POLG: variants seen among roughly 807,000 people sequenced by gnomAD.
The protein encoded by POLG is DNA polymerase subunit gamma-1.
Under a neutral mutation model 155.4 loss-of-function variants are expected in POLG, and 110 were observed. The observed-to-expected ratio is 0.71, with a 90% confidence interval of 0.61 to 0.83. The LOEUF (loss-of-function observed/expected upper bound fraction) is 0.83, where lower values mean the gene tolerates loss of function less well. POLG is among the 40% of genes least tolerant of loss of function. The pLI is 0.00. For synonymous variants in POLG, 701 were observed against 631.5 expected (o/e 1.11, Z -1.65); for missense variants, 1,685 against 1,627.5 (o/e 1.04, Z -0.61).
chr15:89,317,651 C>G (rs886562984), intron 21 of POLG, 115 bp from the exon 22 acceptor site: 1 of 991,900 alleles, frequency 1.0e-6, no homozygotes, highest in African/African-American at 1.6e-5. Context: ...ACCAACACCC[C>G]ATCTGTTCAC....
chr15:89,321,931 C>G, intron 15 of POLG, 31 bp downstream of exon 15: 1 of 1,612,858 alleles, frequency 6.2e-7, no homozygotes, highest in Non-Finnish European at 8.5e-7. Context: ...CCTCAGTTCT[C>G]CTATCCCTAC....
intron 2 of POLG, among the ~76,000 whole-genome samples, chr15:89,331,043 G>A (rs919722782): frequency 6.6e-6 from 1 of 152,184 alleles, no homozygotes; most frequent in African/African-American, 2.4e-5. Flanking sequence ...GCAAGCCACA[G>A]ATTATTCTAA....
At chr15:89,325,255 A>T (rs62022597) in intron 10 of POLG, among the ~76,000 whole-genome samples, 195 bp downstream of exon 10, 1,358 of 38,952 alleles carry the variant, frequency 0.035, 214 homozygotes, top group African/African-American at 0.055. Flanking sequence ...AGTGAGAGAG[A>T]GAGTGAGTGA....
intron 10 of POLG, among the ~76,000 whole-genome samples, 199 bp downstream of exon 10, chr15:89,325,231 TGAGAGAGTGAGTGAGTGAGA>T (rs2055490216): frequency 2.3e-5 from 1 of 43,234 alleles, no homozygotes; most frequent in African/African-American, 1.1e-4. Context: ...AGAGAGTGAG[TGAGAGAGTGAGTGAGTGAGA>T]GAGAGAGTGA....
intron 10 of POLG, among the ~76,000 whole-genome samples, chr15:89,325,037 A>AGAGTGAGAGTGAGAGAGTGAGTGAGT: frequency 1.4e-5 from 1 of 70,860 alleles, no homozygotes; most frequent in African/African-American, 5.5e-5. Context: ...CTGAACCCAG[A>AGAGTGAGAGTGAGAGAGTGAGTGAGT]GAGTGAGTGA....
chr15:89,328,578 C>T, intron 5 of POLG, 43 bp from the exon 6 acceptor site: 1 of 1,605,856 alleles, frequency 6.2e-7, no homozygotes, highest in Non-Finnish European at 8.5e-7. Context: ...GCAGCCATCC[C>T]ATTACCACCA....
chr15:89,322,776 T>G lies in POLG; in HGVS notation c.2392A>C (p.Ile798Leu), dbSNP rs796052873. The change falls in exon 14 of 23, where the codon ATT becomes CTT. Residue 798 changes from isoleucine to leucine, a missense_variant. Ile to Leu is a conservative substitution (Grantham distance 5). Transcript: ENST00000268124. The stretch of plus-strand genomic sequence containing the variant: ...TTATGGGCGTTCCTCCAGAAAGAAA[T>G]CATTTTGTTGATTTCCAGAGCACGG... ...GPRALEINKM[I>L]SFWRNAHKRI... The G allele has an allele frequency of 1.2e-6, 2 of 1,613,958 alleles. No individual in the cohort carries two copies. The highest frequency in any genetic ancestry group is 1.7e-5 in the Admixed American group (1 of 60,004).
Position 89,324,149 on chromosome 15 carries a change from C to G in POLG, c.2028G>C (p.Ala676=), listed in dbSNP as rs373550219. The G allele has an allele frequency of 6.2e-7, 1 of 1,614,050 alleles. No individual in the cohort carries two copies. The highest frequency in any genetic ancestry group is 8.5e-7 in the Non-Finnish European group (1 of 1,180,034). ...TATTGTCAGTGAGCAGGAACTCCTCCGCCAGGCCGGCCTCCTGGGGCATCA... is the reference window on the plus strand; with the variant it reads ...TATTGTCAGTGAGCAGGAACTCCTCGGCCAGGCCGGCCTCCTGGGGCATCA... ...QQLMPQEAGL[A]EEFLLTDNSA... is the part of the protein sequence containing the mutation. The change falls in exon 11 of 23, where the codon GCG becomes GCC. Residue 676 remains alanine, a synonymous_variant. Transcript: ENST00000268124.
Position 89,330,211 on chromosome 15 carries a change from G to T in POLG, c.725C>A (p.Ala242Asp). Residue 242 changes from alanine (A) to aspartate (D), a missense_variant, in exon 3 of 23, where the codon GCT becomes GAT. This residue lies in a region of POLG where 1,210 missense variants were observed against 1,167.1 expected (regional missense o/e 1.04). Coordinates refer to ENST00000268124, the MANE Select transcript of POLG (RefSeq NM_002693.3). ...RYSWTSQLSP[A>D]DLIPLEVPTG... ...AGGGACCTCCAGGGGGATGAGGTCA[G>T]CCGGCGACAGCTGGCTGGTCCAAGA... 2 of 1,613,508 alleles carry T rather than the reference G, an allele frequency of 1.2e-6. No individual in the cohort carries two copies.
At chr15:89,323,954 A>G (rs1057238822) in intron 11 of POLG, 53 bp from the exon 12 acceptor site, 6 of 1,525,524 alleles carry the variant, frequency 3.9e-6, no homozygotes, top group African/African-American at 1.4e-5. Context: ...GTAGGCCCCA[A>G]TCCACCAGCC....
At chr15:89,329,211 C>G (rs2055563920) in intron 3 of POLG, 101 bp from the exon 4 acceptor site, 5 of 956,466 alleles carry the variant, frequency 5.2e-6, no homozygotes, top group African/African-American at 1.6e-5. Context: ...CCCACCTCAG[C>G]TCCTCAAACA....
rs1057523280 is a variant in POLG, at chr15:89,333,734, C to G, written c.21G>C (p.Arg7Ser). ...GCCCGACGGTGGCGCCGGCCACCTT[C>G]CTCCAGAGCAGGCGGCTCATGGTTG... MSRLLW[R>S]KVAGATVGPG... The change falls in exon 2 of 23, where the codon AGG (arginine) becomes AGC (serine). Residue 7 changes from arginine (R) to serine (S), a missense_variant. Arg to Ser is a moderately radical substitution (Grantham distance 110). Coordinates refer to ENST00000268124, the MANE Select transcript of POLG (RefSeq NM_002693.3). 2 of 1,535,630 alleles carry G rather than the reference C, an allele frequency of 1.3e-6. No homozygotes were observed. Among genetic ancestry groups the G allele is most frequent in the Non-Finnish European group, 1.7e-6 (2 of 1,146,598 alleles).
chr15:89,328,819 C>A lies in POLG; in HGVS notation c.1036G>T (p.Asp346Tyr), dbSNP rs2152067994. The A allele has an allele frequency of 1.2e-6, 2 of 1,614,136 alleles. No individual in the cohort carries two copies. Among genetic ancestry groups the A allele is most frequent in the Non-Finnish European group, 1.7e-6 (2 of 1,180,058 alleles). Residue 346 changes from aspartate (D) to tyrosine (Y), a missense_variant, in exon 5 of 23, where the codon GAC (aspartate) becomes TAC (tyrosine). Transcript: ENST00000268124. ...ARRGPAISSW[D>Y]WLDISSVNSL... ...TTGACACTGCTGATGTCCAGCCAGTCCCAGGATGAGATCTGGGGAACCAGA... is the reference window on the plus strand; with the variant it reads ...TTGACACTGCTGATGTCCAGCCAGTACCAGGATGAGATCTGGGGAACCAGA...
In POLG at chr15:89,321,111, CG is replaced by C; in HGVS notation, c.2734+13del. The stretch of plus-strand genomic sequence containing the variant: ...CTGAGGGGCTGGGCTGCCCCAACCC[CG>C]GCTCCTGCTCACCATGCATGCCGGC... On this transcript the variant is annotated intron_variant, in intron 17 of 22. Coordinates refer to ENST00000268124, the MANE Select transcript of POLG (RefSeq NM_002693.3). The C allele has an allele frequency of 3.1e-6, 5 of 1,614,210 alleles. No homozygotes were observed. In the Middle Eastern group the frequency reaches 4.9e-4, roughly 160 times the overall value.
At position 89,333,730 on chromosome 15, in the gene POLG, C is replaced by T; in HGVS notation, c.25G>A (p.Val9Met). The change falls in exon 2 of 23, where the codon GTG (valine) becomes ATG (methionine). Residue 9 changes from valine to methionine, a missense_variant. This residue lies in a region of POLG where 1,210 missense variants were observed against 1,167.1 expected (regional missense o/e 1.04). Coordinates refer to ENST00000268124, the MANE Select transcript of POLG (RefSeq NM_002693.3). Reference sequence around the variant, plus strand: ...CCTGGCCCGACGGTGGCGCCGGCCACCTTCCTCCAGAGCAGGCGGCTCATG... The same window carrying T: ...CCTGGCCCGACGGTGGCGCCGGCCATCTTCCTCCAGAGCAGGCGGCTCATG... MSRLLWRK[V>M]AGATVGPGPV... 1 of 1,535,812 alleles carries T rather than the reference C, an allele frequency of 6.5e-7. No homozygotes were observed. Among genetic ancestry groups the T allele is most frequent in the South Asian group, 1.2e-5 (1 of 84,222 alleles).
intron 1 of POLG, chr15:89,334,456 C>CACCCGG (rs2055644585): frequency 6.6e-6 from 1 of 152,262 alleles, no homozygotes; most frequent in Non-Finnish European, 1.5e-5. Context: ...CCCACACCCA[C>CACCCGG]ACCCGGACCA....
At chr15:89,321,906 G>C (rs2055402316) in intron 15 of POLG, 53 bp from the exon 16 acceptor site, 1 of 1,607,622 alleles carries the variant, frequency 6.2e-7, no homozygotes, top group Non-Finnish European at 8.5e-7. Context: ...TTTGGCCTTA[G>C]GACCTACCAC....
intron 22 of POLG, 164 bp from the exon 23 acceptor site, chr15:89,316,991 TATATAAGTGTGTCTTAG>T: frequency 1.5e-6 from 1 of 658,776 alleles, no homozygotes; most frequent in South Asian, 1.7e-5. Context: ...GTTTTCTTTT[TATATAAGTGTGTCTTAG>T]ATATATTTTA....
chr15:89,332,556 C>A (rs1309350189), intron 2 of POLG, among the ~76,000 whole-genome samples: 2 of 131,550 alleles, frequency 1.5e-5, no homozygotes, highest in Non-Finnish European at 3.0e-5. Context: ...TAGGGGTGGT[C>A]AACCAGATGC....
Sources: gnomAD v4.1 joint callset for allele counts (sites outside exome capture counted in the v4.1 genomes callset) on GRCh38, gnomAD v4.1.1 for gene constraint, gnomAD v4.1.1 regional missense constraint, MANE v1.5 for transcripts, NCBI Gene and HGNC (gene_info 2026-07-23, HGNC 2026-07-21) for gene names.